Variants in ARHGEF10 observed in about 807,000 individuals in gnomAD.
ARHGEF10 encodes the protein Rho guanine nucleotide exchange factor 10.
A neutral mutation model predicts 147.4 loss-of-function variants in ARHGEF10; 140 were observed. The ratio of observed to expected loss-of-function variants is 0.95; its 90% CI spans 0.83 to 1.09. ARHGEF10 has a LOEUF of 1.09. Among genes scored for constraint, ARHGEF10 ranks in the 50% least tolerant of loss-of-function variants. The pLI is 0.00. For missense variants in ARHGEF10, 2,222 were observed against 1,752.7 expected (o/e 1.27, Z -4.78); for synonymous variants, 902 against 695.8 (o/e 1.30, Z -4.67).
chr8:1,936,283 G>GA (rs1407244567), intron 26 of ARHGEF10, among the ~76,000 whole-genome samples: 1 of 152,200 alleles, frequency 6.6e-6, no homozygotes, highest in Non-Finnish European at 1.5e-5. Flanking sequence ...TGGAGACCAA[G>GA]ATAGGTGGAT....
At chr8:1,860,445 G>GGC (rs898394211) in intron 4 of ARHGEF10, among the ~76,000 whole-genome samples, 2 of 132,842 alleles carry the variant, frequency 1.5e-5, no homozygotes, top group Non-Finnish European at 3.1e-5. Flanking sequence ...GTAGAGTCTG[G>GGC]GCCTGACCTT....
At chr8:1,931,823 G>A (rs1219271576) in intron 25 of ARHGEF10, among the ~76,000 whole-genome samples, 1 of 152,018 alleles carries the variant, frequency 6.6e-6, no homozygotes, top group Non-Finnish European at 1.5e-5. Context: ...TGAGGGCTCT[G>A]GCCTGGGACA....
Position 1,957,302 on chromosome 8 carries a change from A to G in ARHGEF10, c.*39A>G. ...CTTCTGCTGTCAGAATTTGCAATCAAGGGTGACTTCTCAGCTAATCCTACA... is the reference window on the plus strand; with the variant it reads ...CTTCTGCTGTCAGAATTTGCAATCAGGGGTGACTTCTCAGCTAATCCTACA... On this transcript the variant is annotated 3_prime_UTR_variant, in exon 29 of 29. Transcript: ENST00000349830. 1.9e-6 allele frequency: 3 copies of G among 1,592,936 alleles called. No homozygotes were observed. The highest frequency in any genetic ancestry group is 2.6e-6 in the Non-Finnish European group (3 of 1,172,794).
intron 2 of ARHGEF10, among the ~76,000 whole-genome samples, chr8:1,848,778 T>C (rs1026084595): frequency 3.3e-5 from 5 of 152,216 alleles, no homozygotes; most frequent in African/African-American, 1.2e-4. Flanking sequence ...TTAGAAGTAG[T>C]CTTTTTTTTT....
chr8:1,826,036 G>C (rs920949457), intron 1 of ARHGEF10: 1 of 1,362,376 alleles, frequency 7.3e-7, no homozygotes, highest in Non-Finnish European at 1.0e-6. Context: ...GTCCCTGTCT[G>C]TCTCTCACAG....
chr8:1,842,403 G>A (rs776789783), intron 1 of ARHGEF10, among the ~76,000 whole-genome samples: 3 of 151,522 alleles, frequency 2.0e-5, no homozygotes, highest in Non-Finnish European at 4.4e-5. Flanking sequence ...GGCAGAGCCT[G>A]GAGCTCTTGG....
intron 2 of ARHGEF10, among the ~76,000 whole-genome samples, chr8:1,844,972 A>G (rs1278331600): frequency 6.6e-6 from 1 of 152,086 alleles, no homozygotes; most frequent in Non-Finnish European, 1.5e-5. Context: ...CTCTGCAAAA[A>G]TAATGATATG....
At chr8:1,835,712 G>T (rs953892006) in intron 1 of ARHGEF10, among the ~76,000 whole-genome samples, 16 of 152,210 alleles carry the variant, frequency 1.1e-4, no homozygotes, top group Non-Finnish European at 1.6e-4. Flanking sequence ...TGCAGCACAG[G>T]TGCGGGTGTG....
chr8:1,868,934 G>A (rs949609892), intron 6 of ARHGEF10, among the ~76,000 whole-genome samples: 2 of 152,112 alleles, frequency 1.3e-5, no homozygotes, highest in South Asian at 4.1e-4. Context: ...CATTTAAAGA[G>A]ACATCCTTCA....
chr8:1,875,187 A>C (rs1397214291), intron 7 of ARHGEF10, among the ~76,000 whole-genome samples: 5 of 103,930 alleles, frequency 4.8e-5, no homozygotes, highest in African/African-American at 1.6e-4. Flanking sequence ...GCAGACACAC[A>C]CGGGGCTGTG....
At position 1,952,847 on chromosome 8, in the gene ARHGEF10, T is replaced by C. The variant is rs755258056; in HGVS notation, c.3520+20T>C. The C allele has an allele frequency of 1.4e-5, 23 of 1,613,588 alleles. No individual in the cohort carries two copies. In the South Asian group the frequency reaches 2.0e-4, roughly 14 times the overall value. ...TGACCGGTGAGTGGCACCTGCAGTC[T>C]GAGTGGCTGCATCCTGTCTTGCAGG... On this transcript the variant is annotated intron_variant, in intron 28 of 28. Transcript: ENST00000349830.
chr8:1,903,485 A>G (rs991624402), intron 16 of ARHGEF10, 34 bp downstream of exon 16: 2 of 1,611,920 alleles, frequency 1.2e-6, no homozygotes, highest in Non-Finnish European at 1.7e-6. Context: ...CTATTCCAAA[A>G]TTATTTTTGC....
At chr8:1,940,260 A>C (rs1585621040) in intron 26 of ARHGEF10, among the ~76,000 whole-genome samples, 1 of 152,180 alleles carries the variant, frequency 6.6e-6, no homozygotes, top group African/African-American at 2.4e-5. Flanking sequence ...CCTCTGCCCC[A>C]AACAGTTTTC....
chr8:1,862,649 G>T (rs567833706), intron 4 of ARHGEF10, among the ~76,000 whole-genome samples: 1 of 152,306 alleles, frequency 6.6e-6, no homozygotes, highest in African/African-American at 2.4e-5. Context: ...ACACCCCCGT[G>T]GGGGAGACAT....
rs1803016474 is a variant in ARHGEF10, at chr8:1,830,293, G to GGCTCATTTCCCGTGGGGCCCAGGCA, written c.-48+6183_-48+6184insCATTTCCCGTGGGGCCCAGGCAGCT. 9.8e-5 allele frequency among the ~76,000 whole-genome samples: 15 copies of GGCTCATTTCCCGTGGGGCCCAGGCA among 152,376 alleles called. No individual in the cohort carries two copies. The South Asian group carries it at 2.9e-3, about 29-fold the overall frequency. On this transcript the variant is annotated intron_variant, in intron 1 of 28. Transcript: ENST00000349830. ...GGCTCATTTCCCGTGGGGCCCAGGCGGCTGTCCTTGGTGGGCGCTTGACTC... is the reference window on the plus strand; with the variant it reads ...GGCTCATTTCCCGTGGGGCCCAGGCGGCTCATTTCCCGTGGGGCCCAGGCAGCTGTCCTTGGTGGGCGCTTGACTC...
chr8:1,849,180 A>G (rs770871483), intron 2 of ARHGEF10, among the ~76,000 whole-genome samples: 3 of 152,396 alleles, frequency 2.0e-5, no homozygotes, highest in Non-Finnish European at 4.4e-5. Context: ...CTAACTTCAA[A>G]TTAGAATAGC....
At chr8:1,917,026 C>G (rs940390346) in intron 18 of ARHGEF10, among the ~76,000 whole-genome samples, 10 of 152,244 alleles carry the variant, frequency 6.6e-5, no homozygotes, top group African/African-American at 2.4e-4. Context: ...AAACTGACTA[C>G]AGGACGTTCC....
intron 7 of ARHGEF10, chr8:1,870,861 C>T (rs1418491213): frequency 6.6e-6 from 1 of 152,114 alleles, no homozygotes; most frequent in African/African-American, 2.4e-5. Flanking sequence ...GCCTGTCATC[C>T]CAACACTTTG....
intron 13 of ARHGEF10, among the ~76,000 whole-genome samples, chr8:1,895,833 G>C (rs958205142): frequency 2.0e-5 from 3 of 152,140 alleles, no homozygotes; most frequent in Non-Finnish European, 4.4e-5. Context: ...AGAAACCTTT[G>C]TGCTTTTAGG....
Sources: allele counts gnomAD v4.1 joint callset (sites outside exome capture counted in the v4.1 genomes callset), GRCh38; gene constraint gnomAD v4.1.1; transcripts MANE v1.5; gene names NCBI Gene and HGNC (gene_info 2026-07-23, HGNC 2026-07-21).